Variants in STK3 observed in about 807,000 individuals in gnomAD.
The protein encoded by STK3 is serine/threonine kinase 3.
STK3 carries 41 observed loss-of-function variants against 58.0 expected under a neutral mutation model. The ratio of observed to expected loss-of-function variants is 0.71; its 90% CI spans 0.55 to 0.92. The LOEUF is 0.92. Ranked by LOEUF, STK3 falls within the 40% of genes least tolerant of loss-of-function variation. STK3 has a pLI of 0.00. For synonymous variants in STK3, 170 were observed against 191.0 expected, an observed-to-expected ratio of 0.89 and a Z score of 0.91; for missense variants, 479 against 602.7, an observed-to-expected ratio of 0.79 and a Z score of 2.15.
intron 1 of STK3, among the ~76,000 whole-genome samples, chr8:98,820,636 G>T (rs555237565): frequency 3.3e-5 from 5 of 152,072 alleles, no homozygotes; most frequent in African/African-American, 4.8e-5. Flanking sequence ...ATCAAAGCTG[G>T]ACTATTATGT....
chr8:98,660,672 C>A (rs974215164), intron 6 of STK3, among the ~76,000 whole-genome samples: 4 of 152,062 alleles, frequency 2.6e-5, no homozygotes, highest in Non-Finnish European at 4.4e-5. Flanking sequence ...TATTCATTCA[C>A]CCCTCTCCCA....
At position 98,574,629 on chromosome 8, in the gene STK3, G is replaced by A. The variant is rs187191139; in HGVS notation, c.948+5035C>T. Reference sequence around the variant, plus strand: ...GAGATTTATAGGAGACCCACAAAGTGTTTTTGGCAGAAACACTACCAGCAT... The same window carrying A: ...GAGATTTATAGGAGACCCACAAAGTATTTTTGGCAGAAACACTACCAGCAT... On this transcript the variant is annotated intron_variant, in intron 8 of 10. Coordinates refer to ENST00000419617, the MANE Select transcript of STK3 (RefSeq NM_006281.4). 2.4e-4 allele frequency among the ~76,000 whole-genome samples: 36 copies of A among 152,300 alleles called. No individual in the cohort carries two copies. The East Asian group carries it at 6.2e-3, about 26-fold the overall frequency.
intron 1 of STK3, among the ~76,000 whole-genome samples, chr8:98,936,140 G>A (rs1202473337): frequency 6.6e-6 from 1 of 151,978 alleles, no homozygotes; most frequent in Non-Finnish European, 1.5e-5. Flanking sequence ...GGATGGTCTC[G>A]ATCTCCTAAG....
Position 98,596,134 on chromosome 8 carries a change from T to A in STK3, c.720A>T (p.Thr240=). ...IFMIPTNPPP[T]FRKPELWSDD... Reference sequence around the variant, plus strand: ...CGGACCAAAGTTCTGGCTTTCTGAATGTTGGTGGTGGATTTGTGGGAATCA... The same window carrying A: ...CGGACCAAAGTTCTGGCTTTCTGAAAGTTGGTGGTGGATTTGTGGGAATCA... The change falls in exon 7 of 11, where the codon ACA becomes ACT. Residue 240 remains threonine, a synonymous_variant. Coordinates refer to ENST00000419617, the MANE Select transcript of STK3 (RefSeq NM_006281.4). The A allele has an allele frequency of 6.2e-7, 1 of 1,613,148 alleles. No homozygotes were observed. Among genetic ancestry groups the A allele is most frequent in the Non-Finnish European group, 8.5e-7 (1 of 1,179,528 alleles).
chr8:98,866,390 C>T (rs1837147474), intron 3 of STK3, among the ~76,000 whole-genome samples: 1 of 152,176 alleles, frequency 6.6e-6, no homozygotes. Flanking sequence ...TTATGAAGCC[C>T]TCAACCCAGC....
intron 3 of STK3, chr8:98,413,581 A>C: frequency 1.5e-6 from 1 of 675,902 alleles, no homozygotes; most frequent in South Asian, 1.4e-5. Flanking sequence ...TTTGTGTCTA[A>C]AATGTTGAGA....
chr8:98,649,142 T>C (rs1418888307), intron 6 of STK3, among the ~76,000 whole-genome samples: 4 of 152,154 alleles, frequency 2.6e-5, no homozygotes, highest in Non-Finnish European at 5.9e-5. Flanking sequence ...ATTAGTCTAT[T>C]GGGATTTGCA....
chr8:98,737,076 A>C (rs1828658685), intron 4 of STK3, among the ~76,000 whole-genome samples: 1 of 152,162 alleles, frequency 6.6e-6, no homozygotes, highest in South Asian at 2.1e-4. Flanking sequence ...CTCAACCTAT[A>C]TTTTATAGTT....
chr8:98,537,104 A>T (rs1484974731), intron 9 of STK3, among the ~76,000 whole-genome samples: 2 of 152,220 alleles, frequency 1.3e-5, no homozygotes, highest in African/African-American at 4.8e-5. Context: ...GAAGGAGTCT[A>T]TTCTGTCAGA....
In STK3 at chr8:98,634,970, T is replaced by G. The variant is rs191470596; in HGVS notation, c.685-38801A>C. Among the ~76,000 whole-genome samples, 1,502 of 152,180 alleles carry G rather than the reference T, an allele frequency of 9.9e-3. 31 individuals are homozygous for G. Among genetic ancestry groups the G allele is most frequent in the South Asian group, 0.096 (460 of 4,802 alleles). On this transcript the variant is annotated intron_variant, in intron 6 of 10. Transcript: ENST00000419617. ...CCAGGTTATTTTCACTGTTTTTTCA[T>G]TCTCCCAAAGGAAAACTGTTTGTCT...
Position 98,416,755 on chromosome 8 carries a change from C to G in STK3, n.484-15242G>C, listed in dbSNP as rs753214368. On this transcript the variant is annotated intron_variant and non_coding_transcript_variant, in intron 3 of 3. Transcript: ENST00000517832. ...GATGCCTATGTTTAGTTGAGTCACACGTAAGCAGAGAAATGAAAAATTAGC... is the reference window on the plus strand; with the variant it reads ...GATGCCTATGTTTAGTTGAGTCACAGGTAAGCAGAGAAATGAAAAATTAGC... 2.6e-5 allele frequency among the ~76,000 whole-genome samples: 4 copies of G among 152,216 alleles called. No homozygotes were observed. The East Asian group carries it at 7.7e-4, about 29-fold the overall frequency.
intron 1 of STK3, among the ~76,000 whole-genome samples, chr8:98,794,056 T>C (rs1342852106): frequency 1.3e-5 from 2 of 152,090 alleles, no homozygotes; most frequent in Non-Finnish European, 2.9e-5. Context: ...CAGGAAAGTT[T>C]ACAACACTAA....
chr8:98,691,161 A>G (rs1824377581), intron 6 of STK3, among the ~76,000 whole-genome samples: 1 of 152,210 alleles, frequency 6.6e-6, no homozygotes, highest in African/African-American at 2.4e-5. Flanking sequence ...CCTCAGTACC[A>G]TGCAATATAC....
At chr8:98,502,048 T>G (rs932439494) in intron 10 of STK3, among the ~76,000 whole-genome samples, 1 of 152,212 alleles carries the variant, frequency 6.6e-6, no homozygotes, top group Non-Finnish European at 1.5e-5. Context: ...CAAGGAATGT[T>G]CTTCCATTTG....
intron 1 of STK3, among the ~76,000 whole-genome samples, chr8:98,440,336 A>T (rs1818644958): frequency 6.6e-6 from 1 of 152,184 alleles, no homozygotes; most frequent in South Asian, 2.1e-4. Flanking sequence ...TTAAAAATTT[A>T]TTTTCTAAAT....
At chr8:98,816,457 G>A (rs1288298602) in intron 1 of STK3, among the ~76,000 whole-genome samples, 1 of 152,242 alleles carries the variant, frequency 6.6e-6, no homozygotes, top group Non-Finnish European at 1.5e-5. Context: ...GCTGTAGTGA[G>A]CTGAGATTGC....
At chr8:98,814,694 C>CTTTAGTTTGA (rs1834438927) in intron 1 of STK3, among the ~76,000 whole-genome samples, 1 of 151,948 alleles carries the variant, frequency 6.6e-6, no homozygotes, top group Non-Finnish European at 1.5e-5. Flanking sequence ...TTTTAGTTTA[C>CTTTAGTTTGA]TTTAGTTTGA....
At chr8:98,491,937 T>TA (rs1309299910) in intron 10 of STK3, among the ~76,000 whole-genome samples, 8 of 152,298 alleles carry the variant, frequency 5.3e-5, no homozygotes, top group Non-Finnish European at 1.0e-4. Flanking sequence ...GATCTCCACT[T>TA]ACATGCTTTA....
chr8:98,933,768 G>T (rs1360690134), intron 1 of STK3, among the ~76,000 whole-genome samples: 1 of 152,172 alleles, frequency 6.6e-6, no homozygotes, highest in Non-Finnish European at 1.5e-5. Context: ...TTCCAGGTGA[G>T]ATTGGGGAGC....
Sources: allele counts gnomAD v4.1 joint callset (sites outside exome capture counted in the v4.1 genomes callset), GRCh38; gene constraint gnomAD v4.1.1; transcripts MANE v1.5; gene names NCBI Gene and HGNC (gene_info 2026-07-23, HGNC 2026-07-21).